The following CDH23 variants were observed in gnomAD, a reference collection of about 807,000 sequenced individuals.
The protein encoded by CDH23 is cadherin-23.
Under a neutral mutation model 317.1 loss-of-function variants are expected in CDH23, and 189 were observed. The observed-to-expected ratio is 0.60, with a 90% confidence interval of 0.53 to 0.67. The LOEUF is 0.67. Among genes scored for constraint, CDH23 ranks in the 30% least tolerant of loss-of-function variants. The pLI is 0.00. For synonymous variants in CDH23, 1,839 were observed against 1,876.8 expected, an observed-to-expected ratio of 0.98 and a Z score of 0.52; for missense variants, 4,401 against 4,592.4, an observed-to-expected ratio of 0.96 and a Z score of 1.20.
chr10:71,532,711 G>GTTTTTTTTTTTTTTTTT (rs531593760), intron 6 of CDH23, among the ~76,000 whole-genome samples: 27 of 128,090 alleles, frequency 2.1e-4, no homozygotes, highest in Non-Finnish European at 3.9e-4. Context: ...TTTTGTTTTT[G>GTTTTTTTTTTTTTTTTT]TTTTTTTTTT....
chr10:71,515,252 C>T (rs1231532065), intron 6 of CDH23, among the ~76,000 whole-genome samples: 2 of 152,142 alleles, frequency 1.3e-5, no homozygotes, highest in African/African-American at 4.8e-5. Context: ...CTAGCATCAA[C>T]CTACCTTTCC....
At chr10:71,604,392 G>C (rs1860409514) in intron 9 of CDH23, among the ~76,000 whole-genome samples, 1 of 152,232 alleles carries the variant, frequency 6.6e-6, no homozygotes, top group Non-Finnish European at 1.5e-5. Flanking sequence ...GAAGTGCTGA[G>C]CACCTCGTCT....
At chr10:71,715,811 G>T (rs1866191522) in intron 28 of CDH23, 2 of 927,226 alleles carry the variant, frequency 2.2e-6, no homozygotes, top group African/African-American at 1.7e-5. Flanking sequence ...GAGCTTCGGG[G>T]GGTGAGTGTG....
rs746426641 is a variant in CDH23 at position 71,566,786 on chromosome 10, C to A, written c.474C>A (p.Asp158Glu). The A allele has an allele frequency of 1.9e-6, 3 of 1,612,408 alleles. No individual in the cohort carries two copies. The highest frequency in any genetic ancestry group is 1.3e-5 in the African/African-American group (1 of 74,902). Residue 158 changes from aspartate to glutamate, a missense_variant, in exon 7 of 70, where the codon GAC becomes GAA. Asp to Glu is a conservative substitution (Grantham distance 45). Around this residue, in one of 3 missense-constraint regions of CDH23, gnomAD observed 3,068 missense variants for 3,203.3 expected, o/e 0.96. Transcript: ENST00000224721. ...CCATCTTCATCGTGAATGCCACAGA[C>A]CCCGACTTGGGGGCAGGGGGCAGCG... ...GTPIFIVNAT[D>E]PDLGAGGSVL... is the part of the protein sequence containing the mutation.
intron 55 of CDH23, among the ~76,000 whole-genome samples, chr10:71,805,319 C>A (rs1476712215): frequency 6.6e-6 from 1 of 152,202 alleles, no homozygotes; most frequent in African/African-American, 2.4e-5. Flanking sequence ...CACCATGTCA[C>A]CCTGCCTGTG....
chr10:71,713,026 G>A (rs1263948831), intron 28 of CDH23: 1 of 734,952 alleles, frequency 1.4e-6, no homozygotes, highest in East Asian at 2.7e-5. Flanking sequence ...GCTGAGGATA[G>A]GGCTCTGGCT....
chr10:71,449,224 G>A (rs1850315760), intron 3 of CDH23, among the ~76,000 whole-genome samples: 1 of 152,240 alleles, frequency 6.6e-6, no homozygotes. Context: ...TGGGTCCAGG[G>A]TGGTGCTCAG....
intron 25 of CDH23, 121 bp from the exon 26 acceptor site, chr10:71,706,776 G>A: frequency 6.8e-7 from 1 of 1,462,300 alleles, no homozygotes; most frequent in East Asian, 2.5e-5. Flanking sequence ...ATGCCACTTG[G>A]AGCCCGTGAC....
At chr10:71,412,130 G>A (rs1159767481) in intron 1 of CDH23, among the ~76,000 whole-genome samples, 1 of 152,124 alleles carries the variant, frequency 6.6e-6, no homozygotes, top group Non-Finnish European at 1.5e-5. Flanking sequence ...GTTCTAGTAG[G>A]TGTATGAATT....
intron 3 of CDH23, among the ~76,000 whole-genome samples, chr10:71,485,679 A>C (rs1264194325): frequency 6.6e-6 from 1 of 152,218 alleles, no homozygotes; most frequent in Non-Finnish European, 1.5e-5. Flanking sequence ...TGGCTGTCTG[A>C]ACAGATTGGG....
At chr10:71,689,236 TG>T (rs1040879439) in intron 19 of CDH23, among the ~76,000 whole-genome samples, 2 of 151,016 alleles carry the variant, frequency 1.3e-5, no homozygotes, top group African/African-American at 4.9e-5. Context: ...GTCAGTATGG[TG>T]GAGTCAGAAC....
chr10:71,807,757 G>A lies in CDH23; in HGVS notation c.8550G>A (p.Glu2850=), dbSNP rs772651697. 7 of 1,601,982 alleles carry A rather than the reference G, an allele frequency of 4.4e-6. No homozygotes were observed. Among genetic ancestry groups the A allele is most frequent in the Non-Finnish European group, 6.0e-6 (7 of 1,174,146 alleles). The change falls in exon 59 of 70, where the codon GAG becomes GAA. Residue 2850 remains glutamate, a synonymous_variant. Transcript: ENST00000224721. ...NDQPPRFTKA[E]YTAGVATDAK... is the part of the protein sequence containing the mutation. ...AGCCACCACGCTTCACCAAGGCTGA[G>A]TACACTGCAGGTGCAGGGACTGGAG... is the stretch of plus-strand genomic sequence containing the variant.
At chr10:71,591,886 A>G (rs1859517843) in intron 9 of CDH23, among the ~76,000 whole-genome samples, 2 of 152,076 alleles carry the variant, frequency 1.3e-5, no homozygotes, top group African/African-American at 4.8e-5. Flanking sequence ...CCACACGGCA[A>G]TGTTTTTGGC....
At chr10:71,515,070 T>G (rs1854211212) in intron 6 of CDH23, among the ~76,000 whole-genome samples, 1 of 152,122 alleles carries the variant, frequency 6.6e-6, no homozygotes, top group Non-Finnish European at 1.5e-5. Flanking sequence ...GAGGTGACCC[T>G]GGTGCTGGGG....
chr10:71,742,433 G>A (rs1029634905), intron 38 of CDH23, among the ~76,000 whole-genome samples: 2 of 152,234 alleles, frequency 1.3e-5, no homozygotes, highest in Non-Finnish European at 2.9e-5. Context: ...ACTAACGCTC[G>A]AATGAACAGC....
intron 61 of CDH23, 148 bp downstream of exon 61, chr10:71,810,224 G>T: frequency 9.5e-7 from 1 of 1,049,730 alleles, no homozygotes. Context: ...GTGCAGCTTT[G>T]ATAAAGTTCT....
At chr10:71,556,364 G>A (rs990360234) in intron 6 of CDH23, among the ~76,000 whole-genome samples, 20 of 152,238 alleles carry the variant, frequency 1.3e-4, no homozygotes, top group Admixed American at 9.8e-4. Context: ...ACTTTGGGAG[G>A]CTGAGGCAGG....
At chr10:71,561,628 G>A (rs1362781085) in intron 6 of CDH23, among the ~76,000 whole-genome samples, 1 of 152,166 alleles carries the variant, frequency 6.6e-6, no homozygotes, top group East Asian at 1.9e-4. Context: ...TTTACAGCAG[G>A]TCCATCAGAA....
intron 38 of CDH23, among the ~76,000 whole-genome samples, chr10:71,764,275 T>A (rs1840473987): frequency 1.3e-5 from 2 of 152,228 alleles, no homozygotes; most frequent in South Asian, 4.1e-4. Context: ...TGCCATAAGG[T>A]ATTGTTTTTA....
Sources: gnomAD v4.1 joint callset for allele counts (sites outside exome capture counted in the v4.1 genomes callset) on GRCh38, gnomAD v4.1.1 for gene constraint, gnomAD v4.1.1 regional missense constraint, MANE v1.5 for transcripts, NCBI Gene and HGNC (gene_info 2026-07-23, HGNC 2026-07-21) for gene names.